Variants in PCDH11X observed in about 807,000 individuals in gnomAD.
PCDH11X encodes the protein protocadherin-11 X-linked.
PCDH11X carries 18 observed loss-of-function variants against 53.3 expected under a neutral mutation model. The observed-to-expected ratio is 0.34, with a 90% CI of 0.23 to 0.50. The LOEUF (loss-of-function observed/expected upper bound fraction) is 0.50. Among genes scored for constraint, PCDH11X ranks in the 20% least tolerant of loss-of-function variants. The pLI is 0.98. For synonymous variants in PCDH11X, 279 were observed against 393.3 expected (o/e 0.71, Z 3.44); for missense variants, 570 against 1,032.4 (o/e 0.55, Z 6.14).
chrX:91,964,382 G>A (rs905551694), intron 6 of PCDH11X, among the ~76,000 whole-genome samples: 1 of 110,675 alleles, frequency 9.0e-6, no homozygotes, highest in Non-Finnish European at 1.9e-5. Flanking sequence ...TTGTTAGCAG[G>A]TCTATTATAT....
chrX:92,189,338 G>C (rs1200523598), intron 6 of PCDH11X, among the ~76,000 whole-genome samples: 1 of 111,590 alleles, frequency 9.0e-6, no homozygotes, highest in Non-Finnish European at 1.9e-5. Context: ...CATAAGTTTG[G>C]TGAGGATAAC....
At chrX:92,237,434 A>G (rs1336040394) in intron 7 of PCDH11X, among the ~76,000 whole-genome samples, 1 of 110,871 alleles carries the variant, frequency 9.0e-6, no homozygotes, top group Non-Finnish European at 1.9e-5. Context: ...ACTCATCTGT[A>G]AAATGGGACA....
At chrX:92,523,793 T>C (rs1361723162) in intron 10 of PCDH11X, among the ~76,000 whole-genome samples, 1 of 111,983 alleles carries the variant, frequency 8.9e-6, no homozygotes, top group East Asian at 2.8e-4. Context: ...CTTTCTTTTA[T>C]TTTCACTTTT....
At chrX:92,599,935 T>C (rs1294449552) in intron 10 of PCDH11X, among the ~76,000 whole-genome samples, 1 of 110,819 alleles carries the variant, frequency 9.0e-6, no homozygotes, top group Non-Finnish European at 1.9e-5. Context: ...GTAGCATTTT[T>C]CCCCTGCCCT....
chrX:91,869,739 A>G (rs1206558083), intron 5 of PCDH11X, among the ~76,000 whole-genome samples: 1 of 111,014 alleles, frequency 9.0e-6, no homozygotes, highest in Non-Finnish European at 1.9e-5. Flanking sequence ...AAATAAATGA[A>G]ATCTCTGGGT....
intron 9 of PCDH11X, among the ~76,000 whole-genome samples, chrX:92,421,498 A>G (rs2071965729): frequency 9.0e-6 from 1 of 111,615 alleles, no homozygotes; most frequent in Non-Finnish European, 1.9e-5. Context: ...ACGTATTTTT[A>G]TCTGGTGTTC....
At chrX:91,796,193 CTTT>C (rs1197183214) in intron 1 of PCDH11X, among the ~76,000 whole-genome samples, 1 of 111,779 alleles carries the variant, frequency 8.9e-6, no homozygotes, top group African/African-American at 3.2e-5. Context: ...ACATAGCTAT[CTTT>C]TTTTCCAAAA....
chrX:92,487,544 A>C (rs1794708333), intron 10 of PCDH11X, among the ~76,000 whole-genome samples: 2 of 111,155 alleles, frequency 1.8e-5, no homozygotes. Flanking sequence ...ATGGTACTTA[A>C]ATCCTCATTA....
chrX:91,920,188 C>G (rs1941698185), intron 6 of PCDH11X, among the ~76,000 whole-genome samples: 1 of 111,302 alleles, frequency 9.0e-6, no homozygotes, highest in African/African-American at 3.3e-5. Context: ...TAGATTTTTT[C>G]TCCAGAGCAT....
At chrX:92,164,221 T>C (rs1406825214) in intron 6 of PCDH11X, among the ~76,000 whole-genome samples, 1 of 111,926 alleles carries the variant, frequency 8.9e-6, no homozygotes, top group African/African-American at 3.3e-5. Context: ...TGATTCTCTT[T>C]TGTTATTTTT....
chrX:92,023,385 C>A (rs111456463), intron 6 of PCDH11X, among the ~76,000 whole-genome samples: 4,196 of 108,839 alleles, frequency 0.039, 227 homozygotes, highest in African/African-American at 0.14. Context: ...ACTATAAATA[C>A]TTCTATGCAA....
intron 6 of PCDH11X, among the ~76,000 whole-genome samples, chrX:92,065,797 C>T (rs1375998429): frequency 9.3e-6 from 1 of 107,604 alleles, no homozygotes; most frequent in Non-Finnish European, 1.9e-5. Flanking sequence ...TAGTTTCTCC[C>T]TTTCTCTGGG....
intron 9 of PCDH11X, chrX:92,459,797 C>G (rs2072994072): frequency 1.7e-6 from 2 of 1,181,435 alleles, no homozygotes; most frequent in Non-Finnish European, 2.3e-6. Context: ...GGCTCTGGTT[C>G]CCGGATCTCC....
At chrX:92,025,902 A>G (rs1443625147) in intron 6 of PCDH11X, among the ~76,000 whole-genome samples, 2 of 109,500 alleles carry the variant, frequency 1.8e-5, no homozygotes, top group East Asian at 5.8e-4. Context: ...ATGCAGGAAT[A>G]TAGATGAAGC....
intron 6 of PCDH11X, among the ~76,000 whole-genome samples, chrX:92,068,226 T>C: frequency 1.8e-5 from 2 of 108,161 alleles, no homozygotes; most frequent in Non-Finnish European, 3.8e-5. Flanking sequence ...GCTTTTCTAG[T>C]TCTCTAAGAT....
chrX:92,142,368 G>GCA (rs1259360739), intron 6 of PCDH11X, among the ~76,000 whole-genome samples: 254 of 75,860 alleles, frequency 3.3e-3, no homozygotes, highest in African/African-American at 0.011. Context: ...ATGTGCGCGC[G>GCA]CGCACACACA....
At chrX:91,984,194 A>G (rs2062193079) in intron 6 of PCDH11X, among the ~76,000 whole-genome samples, 1 of 97,486 alleles carries the variant, frequency 1.0e-5, no homozygotes, top group Non-Finnish European at 2.0e-5. Flanking sequence ...GTTTTAATAG[A>G]TTTTTACTCA....
chrX:91,870,382 G>T, intron 5 of PCDH11X, among the ~76,000 whole-genome samples: 1 of 110,743 alleles, frequency 9.0e-6, no homozygotes, highest in Non-Finnish European at 1.9e-5. Flanking sequence ...AAACAAAGTT[G>T]GGGGAAGTAC....
rs774280278 is a variant in PCDH11X, at chrX:92,414,664, T to C, written c.3343+26731T>C. Among the ~76,000 whole-genome samples, 6 of 110,042 alleles carry C rather than the reference T, an allele frequency of 5.5e-5. No homozygotes were observed. In the East Asian group the frequency reaches 8.7e-4, roughly 16 times the overall value. On this transcript the variant is annotated intron_variant, in intron 9 of 10. Coordinates refer to ENST00000682573, the MANE Select transcript of PCDH11X (RefSeq NM_032968.5). ...CACCATATTGACACATACACTTTCA[T>C]TGTGAATGGAACAAGAGGAAATAGA...
Sources: gnomAD v4.1 joint callset for allele counts (sites outside exome capture counted in the v4.1 genomes callset) on GRCh38, gnomAD v4.1.1 for gene constraint, MANE v1.5 for transcripts, NCBI Gene and HGNC (gene_info 2026-07-23, HGNC 2026-07-21) for gene names.